GAN: variants seen among roughly 807,000 people sequenced by gnomAD.
The protein encoded by GAN is epididymis secretory sperm binding protein.
GAN carries 48 observed loss-of-function variants against 71.3 expected under a neutral mutation model. The observed-to-expected ratio is 0.67, with a 90% CI of 0.53 to 0.86. The LOEUF is 0.86. GAN is among the 40% of genes least tolerant of loss of function. The pLI is 0.00. For missense variants in GAN, 928 were observed against 770.1 expected (o/e 1.21, Z -2.43); for synonymous variants, 386 against 276.8 (o/e 1.39, Z -3.92).
rs1363322041 is a variant in GAN, at chr16:81,379,883, C to T, written c.*2287C>T. 1 of 151,784 alleles carries T rather than the reference C, an allele frequency of 6.6e-6. No homozygotes were observed. The highest frequency in any genetic ancestry group is 1.5e-5 in the Non-Finnish European group (1 of 67,936). 9.4% of individuals were successfully genotyped at this position (151,784 alleles called of 1,614,324 possible). On this transcript the variant is annotated 3_prime_UTR_variant, in exon 11 of 11. Transcript: ENST00000648994. ...CCTCTTGCAATATTATCAGTACCTGCATGACTTGGTAAATTCATTTTATAA... is the reference window on the plus strand; with the variant it reads ...CCTCTTGCAATATTATCAGTACCTGTATGACTTGGTAAATTCATTTTATAA...
chr16:81,348,022 AT>A (rs201789153), intron 1 of GAN, among the ~76,000 whole-genome samples: 2 of 152,006 alleles, frequency 1.3e-5, no homozygotes, highest in South Asian at 4.1e-4. Context: ...TATTTAATAA[AT>A]TTTAAAAAAA....
At chr16:81,342,990 C>T (rs1909995701) in intron 1 of GAN, among the ~76,000 whole-genome samples, 1 of 152,200 alleles carries the variant, frequency 6.6e-6, no homozygotes, top group African/African-American at 2.4e-5. Flanking sequence ...TCAGAGAATA[C>T]TATGAACACC....
chr16:81,346,543 T>A (rs1910125126), intron 1 of GAN, among the ~76,000 whole-genome samples: 1 of 152,164 alleles, frequency 6.6e-6, no homozygotes, highest in African/African-American at 2.4e-5. Flanking sequence ...ATGTGAGGGA[T>A]CTAGGTTGCA....
chr16:81,338,192 T>A (rs545334562), intron 1 of GAN, among the ~76,000 whole-genome samples: 11 of 152,184 alleles, frequency 7.2e-5, no homozygotes, highest in Admixed American at 2.6e-4. Flanking sequence ...TTGTTTCTAA[T>A]TTTTTTTAGA....
intron 1 of GAN, among the ~76,000 whole-genome samples, chr16:81,319,224 A>ATATC (rs998809260): frequency 4.7e-5 from 7 of 148,520 alleles, no homozygotes; most frequent in African/African-American, 1.5e-4. Context: ...ATATATATAT[A>ATATC]TCTAACAACC....
rs1307218294 is a variant in GAN, at chr16:81,379,958, G to A, written c.*2362G>A. On this transcript the variant is annotated 3_prime_UTR_variant, in exon 11 of 11. Coordinates refer to ENST00000648994, the MANE Select transcript of GAN (RefSeq NM_022041.4). ...TCAGTTCATTGACTCTATAACTGCAGAAATTAGATAATGTTTTATAAAATA... is the reference window on the plus strand; with the variant it reads ...TCAGTTCATTGACTCTATAACTGCAAAAATTAGATAATGTTTTATAAAATA... 1 of 151,910 alleles carries A rather than the reference G, an allele frequency of 6.6e-6. No homozygotes were observed. The highest frequency in any genetic ancestry group is 2.4e-5 in the African/African-American group (1 of 41,236). 9.4% of individuals were successfully genotyped at this position (151,910 alleles called of 1,614,324 possible).
At chr16:81,319,121 C>T (rs1909140983) in intron 1 of GAN, among the ~76,000 whole-genome samples, 1 of 151,170 alleles carries the variant, frequency 6.6e-6, no homozygotes, top group Non-Finnish European at 1.5e-5. Context: ...TTCCAGGATG[C>T]AGTGAGCTAT....
At chr16:81,368,449 A>T (rs1910931983) in intron 9 of GAN, among the ~76,000 whole-genome samples, 1 of 152,166 alleles carries the variant, frequency 6.6e-6, no homozygotes, top group Non-Finnish European at 1.5e-5. Flanking sequence ...TTTTGAAAAA[A>T]TTCAAAAATG....
chr16:81,373,957 G>C (rs1324155092), intron 9 of GAN, among the ~76,000 whole-genome samples: 1 of 152,134 alleles, frequency 6.6e-6, no homozygotes, highest in Non-Finnish European at 1.5e-5. Flanking sequence ...TGGCCAGGAT[G>C]GTCTTGATCT....
chr16:81,357,956 T>A (rs1382888898), intron 5 of GAN, 25 bp downstream of exon 5: 1 of 1,601,650 alleles, frequency 6.2e-7, no homozygotes, highest in South Asian at 1.1e-5. Flanking sequence ...CAAATTTTCC[T>A]TAAACAGCAG....
At chr16:81,366,496 A>T (rs1448569375) in intron 9 of GAN, among the ~76,000 whole-genome samples, 1 of 152,188 alleles carries the variant, frequency 6.6e-6, no homozygotes, top group Non-Finnish European at 1.5e-5. Context: ...TGCTAAACGT[A>T]ATTTTATTAG....
chr16:81,375,705 C>T (rs1340574702), intron 9 of GAN, among the ~76,000 whole-genome samples: 2 of 151,942 alleles, frequency 1.3e-5, no homozygotes, highest in South Asian at 2.1e-4. Flanking sequence ...GTGGCTCACA[C>T]CTGCAATCCC....
intron 5 of GAN, among the ~76,000 whole-genome samples, chr16:81,361,972 C>T (rs796178158): frequency 3.0e-4 from 46 of 152,300 alleles, no homozygotes; most frequent in African/African-American, 1.0e-3. Context: ...CACCACCACC[C>T]GGCTAAGATT....
Position 81,324,026 on chromosome 16 carries a change from A to G in GAN, c.167+8746A>G, listed in dbSNP as rs1320051344. Among the ~76,000 whole-genome samples, 4 of 152,218 alleles carry G rather than the reference A, an allele frequency of 2.6e-5. No homozygotes were observed. In the East Asian group the frequency reaches 5.8e-4, roughly 22 times the overall value. ...TTTATAACATCCTTGTGTTATGGGT[A>G]GTTTCAGAATCTCAAGAATGAGCAG... On this transcript the variant is annotated intron_variant, in intron 1 of 10. Coordinates refer to ENST00000648994, the MANE Select transcript of GAN (RefSeq NM_022041.4).
intron 1 of GAN, among the ~76,000 whole-genome samples, chr16:81,332,735 G>C (rs548739773): frequency 1.3e-5 from 2 of 152,184 alleles, no homozygotes; most frequent in Non-Finnish European, 2.9e-5. Flanking sequence ...AGCTCTTCTG[G>C]TGAGTACTAG....
At position 81,316,758 on chromosome 16, in the gene GAN, C is replaced by T. The variant is rs561919565; in HGVS notation, c.167+1478C>T. Among the ~76,000 whole-genome samples, 16 of 152,298 alleles carry T rather than the reference C, an allele frequency of 1.1e-4. No individual in the cohort carries two copies. In the South Asian group the frequency reaches 2.5e-3, roughly 24 times the overall value. ...CGAATCCTTGCTTGTTATCCTTGTT[C>T]GTTTTTCTCCATAGCACTTACCACT... is the stretch of plus-strand genomic sequence containing the variant. On this transcript the variant is annotated intron_variant, in intron 1 of 10. Coordinates refer to ENST00000648994, the MANE Select transcript of GAN (RefSeq NM_022041.4).
intron 1 of GAN, among the ~76,000 whole-genome samples, chr16:81,332,075 C>T (rs886732809): frequency 3.3e-5 from 5 of 151,456 alleles, no homozygotes; most frequent in South Asian, 2.1e-4. Context: ...GCAGGAGAAT[C>T]GCTTGAACCT....
chr16:81,328,975 G>A (rs535382378), intron 1 of GAN, among the ~76,000 whole-genome samples: 5 of 152,166 alleles, frequency 3.3e-5, no homozygotes, highest in South Asian at 4.1e-4. Context: ...ATTTGTCACC[G>A]TTTCATCTAC....
chr16:81,365,321 G>A (rs1428982744), intron 8 of GAN, 29 bp from the exon 9 acceptor site: 7 of 1,613,306 alleles, frequency 4.3e-6, no homozygotes, highest in African/African-American at 4.0e-5. Context: ...TACAGCTTGT[G>A]CCTGATAACG....
Sources: gnomAD v4.1 joint callset for allele counts (sites outside exome capture counted in the v4.1 genomes callset) on GRCh38, gnomAD v4.1.1 for gene constraint, MANE v1.5 for transcripts, NCBI Gene and HGNC (gene_info 2026-07-23, HGNC 2026-07-21) for gene names.